AOX1: variants seen among roughly 807,000 people sequenced by gnomAD.
AOX1 encodes aldehyde oxidase 1.
A neutral mutation model predicts 169.5 loss-of-function variants in AOX1; 153 were observed. That is an observed-to-expected ratio of 0.90 (90% CI 0.79 to 1.03). The LOEUF (loss-of-function observed/expected upper bound fraction) is 1.03, where lower values mean the gene tolerates loss of function less well. Among genes scored for constraint, AOX1 ranks in the 50% least tolerant of loss-of-function variants. The pLI, the probability that AOX1 is intolerant of heterozygous loss-of-function variation, is 0.00. For synonymous variants in AOX1, 562 were observed against 581.9 expected, an observed-to-expected ratio of 0.97 and a Z score of 0.49; for missense variants, 1,656 against 1,663.9, an observed-to-expected ratio of 1.00 and a Z score of 0.08.
At position 200,620,648 on chromosome 2, in the gene AOX1, A is replaced by G; in HGVS notation, c.1705-2A>G. 1.3e-6 allele frequency: 2 copies of G among 1,510,014 alleles called. No homozygotes were observed. Among genetic ancestry groups the G allele is most frequent in the Non-Finnish European group, 8.8e-7 (1 of 1,138,642 alleles). The allele number at this position is 1,510,014 out of a possible 1,614,324, so 93.5% of individuals were successfully genotyped here. A position where few individuals can be genotyped will look rare whatever the true frequency, so the allele number is the denominator to read the frequency against. On this transcript the variant is annotated splice_acceptor_variant, in intron 16 of 34. Transcript: ENST00000374700. LOFTEE classifies it high-confidence loss of function. The stretch of plus-strand genomic sequence containing the variant: ...AGTATATTTTGGTTATTTATTAAAC[A>G]GAATATAGGCCCAAAGCAGCATCCT...
At chr2:200,609,620 T>G (rs2034592300) in intron 12 of AOX1, among the ~76,000 whole-genome samples, 1 of 152,196 alleles carries the variant, frequency 6.6e-6, no homozygotes, top group Admixed American at 6.5e-5. Context: ...TTTTGTTTGT[T>G]TGTTTGTTTT....
intron 20 of AOX1, among the ~76,000 whole-genome samples, chr2:200,634,322 C>G (rs1440113474): frequency 2.0e-5 from 3 of 151,998 alleles, no homozygotes; most frequent in Non-Finnish European, 4.4e-5. Context: ...CCTGAAGTCC[C>G]TAGCTGGTCT....
chr2:200,624,069 T>C (rs754751843), intron 19 of AOX1, 86 bp downstream of exon 19: 35 of 1,569,766 alleles, frequency 2.2e-5, no homozygotes, highest in Non-Finnish European at 2.9e-5. Context: ...AACAGGAAAA[T>C]GTGGCTCAAA....
chr2:200,608,758 C>A (rs2034568307), intron 10 of AOX1, among the ~76,000 whole-genome samples: 1 of 152,014 alleles, frequency 6.6e-6, no homozygotes, highest in South Asian at 2.1e-4. Context: ...ACCACCACCA[C>A]ACCACCCCCT....
intron 25 of AOX1, among the ~76,000 whole-genome samples, chr2:200,643,337 G>GTATGTATA (rs2035391604): frequency 2.6e-5 from 4 of 151,224 alleles, no homozygotes; most frequent in Admixed American, 2.6e-4. Flanking sequence ...CCCGATGGGT[G>GTATGTATA]TATGTATATA....
In AOX1 at chr2:200,611,386, G is replaced by T. The variant is rs773300881; in HGVS notation, c.1156G>T (p.Gly386Ter). Residue 386 changes from glycine (G) to a stop codon, truncating the protein, a stop_gained and splice_region_variant, in exon 13 of 35, where the codon GGA becomes TGA. Transcript: ENST00000374700. LOFTEE classifies it high-confidence loss of function. ...NCTLNLLSKEGKRQIPLNEQF... is the reference protein window; with the variant it reads ...NCTLNLLSKE ...GAAAGTGTCATTTCTTTCCACAGAA[G>T]GAAAACGACAGATTCCTTTAAATGA... is the stretch of plus-strand genomic sequence containing the variant. 1 of 1,609,040 alleles carries T rather than the reference G, an allele frequency of 6.2e-7. No individual in the cohort carries two copies. Among genetic ancestry groups the T allele is most frequent in the South Asian group, 1.1e-5 (1 of 90,864 alleles).
At chr2:200,669,534 A>G in intron 33 of AOX1, 41 bp from the exon 34 acceptor site, 1 of 1,580,672 alleles carries the variant, frequency 6.3e-7, no homozygotes, top group Non-Finnish European at 8.7e-7. Context: ...ATACAGAGTG[A>G]GAGAGAGAGG....
At chr2:200,644,464 A>G (rs2035412880) in intron 25 of AOX1, among the ~76,000 whole-genome samples, 1 of 152,166 alleles carries the variant, frequency 6.6e-6, no homozygotes, top group Non-Finnish European at 1.5e-5. Flanking sequence ...CTTATAGTAT[A>G]GTTTGAAATC....
chr2:200,666,694 G>T lies in AOX1; in HGVS notation c.3551G>T (p.Arg1184Ile). Reference protein sequence around the residue: ...DCLTGDHKNIRTDIVMDVGCS... With the variant: ...DCLTGDHKNIITDIVMDVGCS... The stretch of plus-strand genomic sequence containing the variant: ...ACTTTTTTTTAATACTAGAACATCA[G>T]AACAGACATTGTCATGGATGTTGGC... Residue 1184 changes from arginine (R) to isoleucine (I), a missense_variant, in exon 32 of 35, where the codon AGA (arginine) becomes ATA (isoleucine). Coordinates refer to ENST00000374700, the MANE Select transcript of AOX1 (RefSeq NM_001159.4). The T allele has an allele frequency of 6.2e-7, 1 of 1,607,870 alleles. No individual in the cohort carries two copies. Among genetic ancestry groups the T allele is most frequent in the Non-Finnish European group, 8.5e-7 (1 of 1,177,820 alleles).
chr2:200,597,478 C>A lies in AOX1; in HGVS notation c.282C>A (p.Ser94Arg). Residue 94 changes from serine to arginine, a missense_variant, in exon 4 of 35, where the codon AGC becomes AGA. Transcript: ENST00000374700. ...TCACCACAGTAGAAGGCATAGGAAGCACCCACACCAGAATTCATCCTGTTC... is the reference window on the plus strand; with the variant it reads ...TCACCACAGTAGAAGGCATAGGAAGAACCCACACCAGAATTCATCCTGTTC... ...AAVTTVEGIG[S>R]THTRIHPVQE... 2 of 1,612,216 alleles carry A rather than the reference C, an allele frequency of 1.2e-6. No individual in the cohort carries two copies. The highest frequency in any genetic ancestry group is 1.7e-6 in the Non-Finnish European group (2 of 1,179,060).
chr2:200,617,648 G>A (rs1263930264), intron 16 of AOX1, among the ~76,000 whole-genome samples: 1 of 145,676 alleles, frequency 6.9e-6, no homozygotes, highest in African/African-American at 2.5e-5. Context: ...AATGTGTTAT[G>A]TCAGTTAACT....
intron 23 of AOX1, among the ~76,000 whole-genome samples, chr2:200,638,924 G>C (rs920340912): frequency 1.3e-5 from 2 of 151,858 alleles, no homozygotes; most frequent in African/African-American, 2.4e-5. Flanking sequence ...AATCATTGAG[G>C]GGGGAAAGGG....
In AOX1 at chr2:200,656,886, C is replaced by T. The variant is rs114924183; in HGVS notation, c.3120C>T (p.Val1040=). ...VHIYLDGSVL[V]THGGIEMGQG... is the part of the protein sequence containing the mutation. The stretch of plus-strand genomic sequence containing the variant: ...TTTATCTTGATGGCTCTGTGCTGGT[C>T]ACTCACGGTGGAATTGAAATGGGGC... The change falls in exon 27 of 35, where the codon GTC becomes GTT. Residue 1040 remains valine, a synonymous_variant. Coordinates refer to ENST00000374700, the MANE Select transcript of AOX1 (RefSeq NM_001159.4). 8,943 of 1,584,816 alleles carry T rather than the reference C, an allele frequency of 5.6e-3. 34 individuals are homozygous for T. The highest frequency in any genetic ancestry group is 7.1e-3 in the Non-Finnish European group (8,232 of 1,164,682).
intron 12 of AOX1, among the ~76,000 whole-genome samples, chr2:200,609,894 T>C (rs544432945): frequency 6.6e-6 from 1 of 152,300 alleles, no homozygotes; most frequent in South Asian, 2.1e-4. Context: ...TTTTTGTTAT[T>C]AAAACTAAGT....
chr2:200,604,887 GCT>G, intron 9 of AOX1, 47 bp downstream of exon 9: 2 of 1,546,714 alleles, frequency 1.3e-6, no homozygotes, highest in Non-Finnish European at 8.9e-7. Flanking sequence ...GAGAAAAAGG[GCT>G]TGGGATGGGG....
At chr2:200,648,254 G>C (rs184243753) in intron 25 of AOX1, among the ~76,000 whole-genome samples, 6 of 152,284 alleles carry the variant, frequency 3.9e-5, no homozygotes, top group Admixed American at 3.9e-4. Flanking sequence ...GAAGGCTGTT[G>C]TTCAGTTTCT....
At position 200,645,360 on chromosome 2, in the gene AOX1, G is replaced by A. The variant is rs185411412; in HGVS notation, c.2847+2559G>A. Among the ~76,000 whole-genome samples, 128 of 152,132 alleles carry A rather than the reference G, an allele frequency of 8.4e-4. 2 individuals are homozygous for A. Among genetic ancestry groups the A allele is most frequent in the African/African-American group, 3.1e-3 (127 of 41,532 alleles). On this transcript the variant is annotated intron_variant, in intron 25 of 34. Transcript: ENST00000374700. ...ATTTGTTTTTAACTCTGTTTATGTAGTGTATCAAATTTATTGACTTGTGTG... is the reference window on the plus strand; with the variant it reads ...ATTTGTTTTTAACTCTGTTTATGTAATGTATCAAATTTATTGACTTGTGTG...
intron 4 of AOX1, among the ~76,000 whole-genome samples, chr2:200,676,552 A>C (rs1044803733): frequency 6.7e-6 from 1 of 150,036 alleles, no homozygotes; most frequent in African/African-American, 2.5e-5. Context: ...GTGAGCCGAG[A>C]TCACACCATT....
In AOX1 at chr2:200,666,676, T is replaced by C; in HGVS notation, c.3544-11T>C. 2.5e-6 allele frequency: 4 copies of C among 1,587,952 alleles called. No homozygotes were observed. The highest frequency in any genetic ancestry group is 3.4e-6 in the Non-Finnish European group (4 of 1,169,826). On this transcript the variant is annotated splice_polypyrimidine_tract_variant and intron_variant, in intron 31 of 34. Coordinates refer to ENST00000374700, the MANE Select transcript of AOX1 (RefSeq NM_001159.4). ...ATTAAAATAAACATTTTAACTTTTT[T>C]TTAATACTAGAACATCAGAACAGAC...
Sources: allele counts gnomAD v4.1 joint callset (sites outside exome capture counted in the v4.1 genomes callset), GRCh38; gene constraint gnomAD v4.1.1; transcripts MANE v1.5; gene names NCBI Gene and HGNC (gene_info 2026-07-23, HGNC 2026-07-21).